The following RPS6KC1 variants were observed in gnomAD, a reference collection of about 807,000 sequenced individuals.
RPS6KC1 encodes the protein inactive ribosomal protein S6 kinase delta-1.
RPS6KC1 carries 54 observed loss-of-function variants against 103.8 expected under a neutral mutation model. The ratio of observed to expected loss-of-function variants is 0.52; its 90% CI spans 0.42 to 0.65. The LOEUF is 0.65. Among genes scored for constraint, RPS6KC1 ranks in the 30% least tolerant of loss-of-function variants. RPS6KC1 has a pLI of 0.00. For synonymous variants in RPS6KC1, 439 were observed against 438.7 expected (o/e 1.00, Z -0.01); for missense variants, 1,151 against 1,253.8 (o/e 0.92, Z 1.24).
chr1:213,712,512 A>G, the RPS6KC1 span, among the ~76,000 whole-genome samples: 409 of 152,186 alleles, frequency 2.7e-3, 9 homozygotes, highest in Admixed American at 0.019. Flanking sequence ...CCCCCTTTCC[A>G]GGGGAGTCAA....
rs1486463533 is a variant in RPS6KC1 at position 213,272,634 on chromosome 1, A to C, written c.3201A>C (p.Ter1067CysextTer2). The change falls in exon 15 of 15, where the codon TGA becomes TGC. Residue 1067 changes from the stop codon to cysteine, a stop_lost. Transcript: ENST00000366960. ...TPVDWAELMR[*>C] ...TGGATTGGGCAGAACTGATGAGATGAACGTAATGCAGGGTTATCTTCACAC... is the reference window on the plus strand; with the variant it reads ...TGGATTGGGCAGAACTGATGAGATGCACGTAATGCAGGGTTATCTTCACAC... The C allele has an allele frequency of 6.2e-7, 1 of 1,602,456 alleles. No individual in the cohort carries two copies. Among genetic ancestry groups the C allele is most frequent in the Admixed American group, 1.7e-5 (1 of 59,964 alleles).
chr1:213,781,495 G>A, the RPS6KC1 span, among the ~76,000 whole-genome samples: 1 of 152,118 alleles, frequency 6.6e-6, no homozygotes, highest in Non-Finnish European at 1.5e-5. Context: ...AAGCTTGTGG[G>A]GTATGAATGG....
chr1:213,186,703 T>C (rs1056995507), intron 8 of RPS6KC1, among the ~76,000 whole-genome samples: 12 of 152,204 alleles, frequency 7.9e-5, no homozygotes, highest in African/African-American at 2.9e-4. Flanking sequence ...CTAATAATTC[T>C]TAGCTTTGGT....
chr1:213,194,740 CT>C (rs1003628495), intron 8 of RPS6KC1, among the ~76,000 whole-genome samples: 35 of 152,200 alleles, frequency 2.3e-4, no homozygotes, highest in African/African-American at 8.4e-4. Context: ...TTATGAGACT[CT>C]TAATGCCTGA....
the RPS6KC1 span, among the ~76,000 whole-genome samples, chr1:213,632,453 CCTGA>C: frequency 6.6e-6 from 1 of 152,146 alleles, no homozygotes; most frequent in African/African-American, 2.4e-5. Flanking sequence ...AGCTGAGGCA[CCTGA>C]CTGTTAGAAG....
the RPS6KC1 span, among the ~76,000 whole-genome samples, chr1:213,666,025 T>C: frequency 6.6e-6 from 1 of 152,242 alleles, no homozygotes; most frequent in Non-Finnish European, 1.5e-5. Context: ...TATAATGTTA[T>C]GCTACAATTT....
chr1:213,669,447 C>T, the RPS6KC1 span, among the ~76,000 whole-genome samples: 1 of 152,022 alleles, frequency 6.6e-6, no homozygotes, highest in Non-Finnish European at 1.5e-5. Flanking sequence ...TGTGGTGTCC[C>T]AAACCAATTA....
At chr1:213,498,357 ATAATT>A in the RPS6KC1 span, among the ~76,000 whole-genome samples, 1 of 152,228 alleles carries the variant, frequency 6.6e-6, no homozygotes, top group African/African-American at 2.4e-5. Context: ...ATCTCTTAAT[ATAATT>A]AATCACAATA....
the RPS6KC1 span, among the ~76,000 whole-genome samples, chr1:213,646,951 G>A: frequency 5.3e-5 from 8 of 151,884 alleles, no homozygotes; most frequent in Admixed American, 5.2e-4. Context: ...AGGCTGGAGT[G>A]CAGTAGCATG....
the RPS6KC1 span, among the ~76,000 whole-genome samples, chr1:213,848,501 G>A: frequency 6.6e-6 from 1 of 151,868 alleles, no homozygotes; most frequent in African/African-American, 2.4e-5. Flanking sequence ...TACACATATA[G>A]TATATATGTG....
chr1:213,071,630 A>T (rs899014804), intron 2 of RPS6KC1, among the ~76,000 whole-genome samples: 1 of 152,168 alleles, frequency 6.6e-6, no homozygotes, highest in African/African-American at 2.4e-5. Flanking sequence ...TTTCAGTATC[A>T]CTTAAGGGCC....
intron 1 of RPS6KC1, among the ~76,000 whole-genome samples, chr1:213,060,992 G>C (rs1377121227): frequency 6.6e-6 from 1 of 151,836 alleles, no homozygotes. Context: ...GAGGCCAGCA[G>C]ATTTAATACC....
intron 3 of RPS6KC1, among the ~76,000 whole-genome samples, chr1:213,093,062 A>G (rs2081129983): frequency 6.6e-6 from 1 of 152,148 alleles, no homozygotes. Context: ...CATATTATAG[A>G]ATGAAAGTTT....
At chr1:213,293,178 C>A in the RPS6KC1 span, among the ~76,000 whole-genome samples, 1 of 152,162 alleles carries the variant, frequency 6.6e-6, no homozygotes, top group African/African-American at 2.4e-5. Flanking sequence ...TAACTTTCTT[C>A]TGAATTTCTG....
At chr1:213,585,817 T>C in the RPS6KC1 span, among the ~76,000 whole-genome samples, 1 of 151,976 alleles carries the variant, frequency 6.6e-6, no homozygotes, top group Non-Finnish European at 1.5e-5. Flanking sequence ...ACACATGGCA[T>C]GGTATGGCAA....
the RPS6KC1 span, among the ~76,000 whole-genome samples, chr1:213,420,024 AT>A: frequency 6.6e-6 from 1 of 152,230 alleles, no homozygotes; most frequent in Admixed American, 6.5e-5. Context: ...TTTGACACAA[AT>A]TTAGGGGGCT....
At chr1:213,502,097 T>C in the RPS6KC1 span, among the ~76,000 whole-genome samples, 2 of 152,302 alleles carry the variant, frequency 1.3e-5, no homozygotes, top group South Asian at 2.1e-4. Context: ...GGCATGCTAG[T>C]TGAGTCTATC....
the RPS6KC1 span, among the ~76,000 whole-genome samples, chr1:213,772,210 A>C: frequency 6.6e-6 from 1 of 152,170 alleles, no homozygotes; most frequent in Non-Finnish European, 1.5e-5. Flanking sequence ...TCAGAGGCCC[A>C]TTATGCAGCG....
the RPS6KC1 span, among the ~76,000 whole-genome samples, chr1:213,624,439 G>A: frequency 2.0e-5 from 3 of 152,226 alleles, no homozygotes; most frequent in South Asian, 6.2e-4. Flanking sequence ...GTACATGGAA[G>A]GGCTGAATAG....
Sources: allele counts gnomAD v4.1 joint callset (sites outside exome capture counted in the v4.1 genomes callset), GRCh38; gene constraint gnomAD v4.1.1; transcripts MANE v1.5; gene names NCBI Gene and HGNC (gene_info 2026-07-23, HGNC 2026-07-21).